TWIST2: variants seen among roughly 807,000 people sequenced by gnomAD.
TWIST2 encodes twist-related protein 2.
TWIST2 carries 1 observed loss-of-function variant against 11.6 expected under a neutral mutation model. The ratio of observed to expected loss-of-function variants is 0.09; its 90% CI spans 0.03 to 0.41. The LOEUF is 0.41. TWIST2 is among the 10% of genes least tolerant of loss of function. The pLI is 0.98. For synonymous variants in TWIST2, 87 were observed against 96.6 expected, an observed-to-expected ratio of 0.90 and a Z score of 0.58; for missense variants, 168 against 226.4, an observed-to-expected ratio of 0.74 and a Z score of 1.66.
chr2:238,896,010 C>G lies in TWIST2; in HGVS notation c.*36-13832C>G, dbSNP rs1256333547. On this transcript the variant is annotated intron_variant, in intron 1 of 1. Transcript: ENST00000612363. ...TCCAGCTGGCGTGAAGTCCTCGCTC[C>G]CCTGGAGGAGCCAGGCCAGGCCAAT... Among the ~76,000 whole-genome samples the G allele has an allele frequency of 2.0e-5, 3 of 152,206 alleles. No homozygotes were observed. In the South Asian group the frequency reaches 6.2e-4, roughly 31 times the overall value.
At chr2:238,896,943 C>G (rs936220884) in intron 1 of TWIST2, among the ~76,000 whole-genome samples, 123 of 152,192 alleles carry the variant, frequency 8.1e-4, no homozygotes, top group African/African-American at 2.7e-3. Context: ...GAAAAGTAGG[C>G]ACACCCCAGG....
chr2:238,886,246 C>T (rs1236039495), intron 1 of TWIST2, among the ~76,000 whole-genome samples: 3 of 152,116 alleles, frequency 2.0e-5, no homozygotes, highest in Non-Finnish European at 2.9e-5. Flanking sequence ...AGGGAAAGGA[C>T]ATTATCTTCT....
chr2:238,909,425 C>T (rs1693415371), intron 1 of TWIST2, among the ~76,000 whole-genome samples: 1 of 152,246 alleles, frequency 6.6e-6, no homozygotes, highest in African/African-American at 2.4e-5. Context: ...GCCCGAAACC[C>T]CACAGCTCCC....
intron 1 of TWIST2, among the ~76,000 whole-genome samples, chr2:238,851,282 T>G (rs540290396): frequency 6.6e-6 from 1 of 152,352 alleles, no homozygotes; most frequent in African/African-American, 2.4e-5. Flanking sequence ...CTATCCTGCC[T>G]TTCTTCTTTG....
At chr2:238,874,838 A>G (rs145164359) in intron 1 of TWIST2, among the ~76,000 whole-genome samples, 10 of 152,248 alleles carry the variant, frequency 6.6e-5, no homozygotes, top group Middle Eastern at 3.4e-3. Flanking sequence ...TCCCCAGGGT[A>G]CTTGATTTGT....
At position 238,897,813 on chromosome 2, in the gene TWIST2, G is replaced by A. The variant is rs950970531; in HGVS notation, c.*36-12029G>A. On this transcript the variant is annotated intron_variant, in intron 1 of 1. Coordinates refer to ENST00000612363, the MANE Select transcript of TWIST2 (RefSeq NM_001271893.4). ...CTGGCAGCAAGCTGGGAGCCTACCC[G>A]GAGCCGTCTGGCCCTTGGTGGCCAA... Among the ~76,000 whole-genome samples, 402 of 152,326 alleles carry A rather than the reference G, an allele frequency of 2.6e-3. 2 individuals carry two copies. The highest frequency in any genetic ancestry group is 8.5e-3 in the African/African-American group (355 of 41,582).
chr2:238,892,817 T>C lies in TWIST2; in HGVS notation c.*36-17025T>C, dbSNP rs141905943. ...TTTTTTCCAATCACCACCACAGGCC[T>C]CTACTAGCTGATTTTACCTTAACTG... On this transcript the variant is annotated intron_variant, in intron 1 of 1. Coordinates refer to ENST00000612363, the MANE Select transcript of TWIST2 (RefSeq NM_001271893.4). Among the ~76,000 whole-genome samples, 539 of 152,346 alleles carry C rather than the reference T, an allele frequency of 3.5e-3. 5 individuals are homozygous for C. Among genetic ancestry groups the C allele is most frequent in the African/African-American group, 0.012 (508 of 41,584 alleles).
intron 1 of TWIST2, among the ~76,000 whole-genome samples, chr2:238,895,902 C>T (rs2106371171): frequency 6.6e-6 from 1 of 152,312 alleles, no homozygotes; most frequent in South Asian, 2.1e-4. Context: ...GCTGACTCCT[C>T]CTTGCCAGAC....
chr2:238,893,742 G>T (rs1693175666), intron 1 of TWIST2, among the ~76,000 whole-genome samples: 1 of 152,208 alleles, frequency 6.6e-6, no homozygotes, highest in East Asian at 1.9e-4. Flanking sequence ...GCCATTGTTC[G>T]CAGCTTCTGG....
intron 1 of TWIST2, among the ~76,000 whole-genome samples, chr2:238,908,280 C>T (rs886832054): frequency 6.7e-6 from 1 of 149,982 alleles, no homozygotes; most frequent in East Asian, 2.0e-4. Flanking sequence ...ATACATACCA[C>T]ACACTACACA....
At chr2:238,905,954 TGTACGTGTGC>T (rs1693345529) in intron 1 of TWIST2, among the ~76,000 whole-genome samples, 1 of 113,968 alleles carries the variant, frequency 8.8e-6, no homozygotes, top group East Asian at 2.3e-4. Flanking sequence ...CGCGCGCGTG[TGTACGTGTGC>T]GTGTGTGTGC....
At chr2:238,871,222 C>A (rs1448826098) in intron 1 of TWIST2, among the ~76,000 whole-genome samples, 2 of 5,894 alleles carry the variant, frequency 3.4e-4, no homozygotes. Context: ...CCACACCCCC[C>A]CACACACACA....
At chr2:238,851,218 C>T (rs1243010666) in intron 1 of TWIST2, among the ~76,000 whole-genome samples, 1 of 152,214 alleles carries the variant, frequency 6.6e-6, no homozygotes, top group Non-Finnish European at 1.5e-5. Context: ...CCTAAATTGT[C>T]CTCTGAAAGG....
intron 1 of TWIST2, among the ~76,000 whole-genome samples, chr2:238,896,357 G>A (rs1693207430): frequency 6.6e-6 from 1 of 152,234 alleles, no homozygotes; most frequent in Non-Finnish European, 1.5e-5. Context: ...AGGGCCACCA[G>A]GCTGCGCTGG....
chr2:238,903,211 T>C (rs1693299735), intron 1 of TWIST2, among the ~76,000 whole-genome samples: 4 of 136,684 alleles, frequency 2.9e-5, no homozygotes, highest in South Asian at 5.0e-4. Flanking sequence ...GGGTATGTGA[T>C]GTGAGGTTTA....
intron 1 of TWIST2, among the ~76,000 whole-genome samples, chr2:238,908,201 C>T (rs1693388102): frequency 6.7e-6 from 1 of 149,148 alleles, no homozygotes; most frequent in East Asian, 2.0e-4. Flanking sequence ...ATACACACGC[C>T]ACACTGTACA....
chr2:238,876,760 A>G (rs1475407361), intron 1 of TWIST2, among the ~76,000 whole-genome samples: 1 of 152,040 alleles, frequency 6.6e-6, no homozygotes, highest in African/African-American at 2.4e-5. Context: ...CTTTGGCAAT[A>G]TGTGTCAAAA....
rs913921661 is a variant in TWIST2, at chr2:238,906,026, A to G, written c.*36-3816A>G. ...GTGTGCGTGTGTGGTTTTCATACGC[A>G]TGGGTTTCAGGGAAAATACGTCTTG... is the stretch of plus-strand genomic sequence containing the variant. On this transcript the variant is annotated intron_variant, in intron 1 of 1. Transcript: ENST00000612363. 9.9e-5 allele frequency among the ~76,000 whole-genome samples: 15 copies of G among 152,128 alleles called. No homozygotes were observed. The East Asian group carries it at 2.5e-3, about 26-fold the overall frequency.
At chr2:238,869,438 G>A (rs368173202) in intron 1 of TWIST2, among the ~76,000 whole-genome samples, 47 of 152,306 alleles carry the variant, frequency 3.1e-4, no homozygotes, top group South Asian at 8.3e-4. Flanking sequence ...AGAAAGTATC[G>A]GCAAATTATC....
Sources: allele counts gnomAD v4.1 joint callset (sites outside exome capture counted in the v4.1 genomes callset), GRCh38; gene constraint gnomAD v4.1.1; transcripts MANE v1.5; gene names NCBI Gene and HGNC (gene_info 2026-07-23, HGNC 2026-07-21).